Variants in LRMDA observed in about 807,000 individuals in gnomAD.
The protein encoded by LRMDA is leucine-rich melanocyte differentiation-associated protein.
LRMDA carries 18 observed loss-of-function variants against 29.8 expected under a neutral mutation model. The ratio of observed to expected loss-of-function variants is 0.60; its 90% CI spans 0.42 to 0.90. The LOEUF (loss-of-function observed/expected upper bound fraction) is 0.90. Ranked by LOEUF, LRMDA falls within the 40% of genes least tolerant of loss-of-function variation. LRMDA has a pLI of 0.00. For missense variants in LRMDA, 273 were observed against 273.9 expected (o/e 1.00, Z 0.02); for synonymous variants, 125 against 109.4 (o/e 1.14, Z -0.89).
chr10:75,545,266 C>T (rs911300531), intron 2 of LRMDA, among the ~76,000 whole-genome samples: 4 of 152,104 alleles, frequency 2.6e-5, no homozygotes, highest in African/African-American at 9.7e-5. Flanking sequence ...AAAAGTCCAT[C>T]AATTAAGTCA....
rs1322447619 is a variant in LRMDA, at chr10:76,003,006, G to A, written c.132-33002G>A. ...CATTTCCAGAATGGAAAACACAAAC[G>A]GAAATGATGAGTTTTATAAATATAG... On this transcript the variant is annotated intron_variant, in intron 2 of 6. Coordinates refer to ENST00000611255, the MANE Select transcript of LRMDA (RefSeq NM_001305581.2). Among the ~76,000 whole-genome samples, 6 of 152,130 alleles carry A rather than the reference G, an allele frequency of 3.9e-5. No homozygotes were observed. In the South Asian group the frequency reaches 1.0e-3, roughly 26 times the overall value.
intron 6 of LRMDA, among the ~76,000 whole-genome samples, chr10:76,477,698 G>A (rs4746400): frequency 0.77 from 116,325 of 151,888 alleles, 45,283 homozygotes; most frequent in Non-Finnish European, 0.85. Context: ...TGGTACCAAA[G>A]CAGAGATATA....
chr10:76,494,418 G>T (rs1163835338), intron 6 of LRMDA, among the ~76,000 whole-genome samples: 1 of 146,632 alleles, frequency 6.8e-6, no homozygotes. Flanking sequence ...ACATGAAATT[G>T]TTTACAATGT....
intron 6 of LRMDA, among the ~76,000 whole-genome samples, chr10:76,349,847 C>T (rs1841153084): frequency 6.6e-6 from 1 of 151,986 alleles, no homozygotes; most frequent in Admixed American, 6.6e-5. Context: ...AATCTCACTC[C>T]TGGGACTCTA....
chr10:76,228,521 G>A (rs1193943959), intron 5 of LRMDA, among the ~76,000 whole-genome samples: 1 of 152,132 alleles, frequency 6.6e-6, no homozygotes, highest in Admixed American at 6.5e-5. Flanking sequence ...AAGGGGTAAA[G>A]GTGATCAGGT....
chr10:76,240,179 T>C (rs965378350), intron 5 of LRMDA, among the ~76,000 whole-genome samples: 2 of 148,562 alleles, frequency 1.3e-5, no homozygotes, highest in Admixed American at 6.7e-5. Flanking sequence ...CAAAATCGCA[T>C]ACACACACAC....
At chr10:75,489,930 AG>A (rs1844963537) in intron 2 of LRMDA, among the ~76,000 whole-genome samples, 1 of 152,220 alleles carries the variant, frequency 6.6e-6, no homozygotes, top group Non-Finnish European at 1.5e-5. Flanking sequence ...GGCGCTCAAT[AG>A]TTCATATGTG....
At chr10:75,463,730 C>T (rs544260934) in intron 2 of LRMDA, among the ~76,000 whole-genome samples, 90 of 152,044 alleles carry the variant, frequency 5.9e-4, no homozygotes, top group African/African-American at 2.0e-3. Context: ...TGCAATGGCG[C>T]GATCTTGGCT....
At position 76,206,421 on chromosome 10, in the gene LRMDA, T is replaced by C. The variant is rs570167000; in HGVS notation, c.517-117980T>C. Among the ~76,000 whole-genome samples the C allele has an allele frequency of 7.2e-5, 11 of 152,212 alleles. No homozygotes were observed. The South Asian group carries it at 2.3e-3, about 32-fold the overall frequency. ...ACCTTCTGTTTACTTATGCCTCTAA[T>C]AAATTACAGTAGTACAGGAAAGTAT... On this transcript the variant is annotated intron_variant, in intron 5 of 6. Coordinates refer to ENST00000611255, the MANE Select transcript of LRMDA (RefSeq NM_001305581.2).
intron 2 of LRMDA, among the ~76,000 whole-genome samples, chr10:75,829,362 C>T (rs907399021): frequency 2.0e-5 from 3 of 152,126 alleles, no homozygotes; most frequent in East Asian, 1.9e-4. Context: ...GCACAGTTCT[C>T]GGGAGAACAG....
Position 75,612,028 on chromosome 10 carries a change from A to G in LRMDA, c.131+173534A>G, listed in dbSNP as rs558707475. On this transcript the variant is annotated intron_variant, in intron 2 of 6. Coordinates refer to ENST00000611255, the MANE Select transcript of LRMDA (RefSeq NM_001305581.2). ...TGCCCCAGACTGGGACCTCCAGAGA[A>G]TAAAAGGCCAACAGAAAAGGTGAAT... Among the ~76,000 whole-genome samples the G allele has an allele frequency of 2.6e-5, 4 of 152,350 alleles. No individual in the cohort carries two copies. The South Asian group carries it at 8.3e-4, about 32-fold the overall frequency.
intron 2 of LRMDA, among the ~76,000 whole-genome samples, chr10:75,678,356 C>G (rs1448297539): frequency 6.6e-6 from 1 of 152,102 alleles, no homozygotes; most frequent in Non-Finnish European, 1.5e-5. Flanking sequence ...TTATTCTGTG[C>G]TGGGGATTTT....
intron 6 of LRMDA, among the ~76,000 whole-genome samples, chr10:76,364,037 G>A (rs545409229): frequency 1.1e-4 from 17 of 152,040 alleles, no homozygotes; most frequent in Non-Finnish European, 2.1e-4. Flanking sequence ...GTTGTTGATG[G>A]CTTACTCCAA....
chr10:76,357,706 T>C (rs184367852), intron 6 of LRMDA, among the ~76,000 whole-genome samples: 2 of 151,958 alleles, frequency 1.3e-5, no homozygotes, highest in East Asian at 1.9e-4. Context: ...ACTAAAGGGG[T>C]CCTTGATTTC....
chr10:75,956,220 T>C (rs1219395062), intron 2 of LRMDA, among the ~76,000 whole-genome samples: 2 of 152,278 alleles, frequency 1.3e-5, no homozygotes, highest in East Asian at 3.9e-4. Flanking sequence ...TCAAAGACCA[T>C]GTGAGTAAGT....
chr10:76,325,786 A>G (rs1014970595), intron 6 of LRMDA, among the ~76,000 whole-genome samples: 2 of 152,216 alleles, frequency 1.3e-5, no homozygotes, highest in Non-Finnish European at 2.9e-5. Flanking sequence ...AGATTTCACT[A>G]TGGAGAGATA....
At chr10:76,001,557 C>T (rs1040468457) in intron 2 of LRMDA, among the ~76,000 whole-genome samples, 3 of 152,150 alleles carry the variant, frequency 2.0e-5, no homozygotes, top group South Asian at 2.1e-4. Context: ...TTGATTTGCA[C>T]TTAACTGACT....
intron 6 of LRMDA, among the ~76,000 whole-genome samples, chr10:76,370,018 A>C (rs1354339361): frequency 6.6e-6 from 1 of 152,134 alleles, no homozygotes; most frequent in East Asian, 1.9e-4. Context: ...CTGTACCTAT[A>C]ATTTAGGGTA....
intron 2 of LRMDA, among the ~76,000 whole-genome samples, chr10:75,731,365 T>A (rs1842694748): frequency 1.3e-5 from 2 of 152,250 alleles, no homozygotes; most frequent in African/African-American, 2.4e-5. Context: ...TAGCACTTTC[T>A]GTGTATCATT....
Sources: allele counts gnomAD v4.1 joint callset (sites outside exome capture counted in the v4.1 genomes callset), GRCh38; gene constraint gnomAD v4.1.1; transcripts MANE v1.5; gene names NCBI Gene and HGNC (gene_info 2026-07-23, HGNC 2026-07-21).